Variants in MTUS2 observed in about 807,000 individuals in gnomAD.
MTUS2 encodes microtubule associated scaffold protein 2, also known as microtubule-associated tumor suppressor candidate 2.
Under a neutral mutation model 114.1 loss-of-function variants are expected in MTUS2, and 40 were observed. The ratio of observed to expected loss-of-function variants is 0.35; its 90% CI spans 0.27 to 0.46. The LOEUF (loss-of-function observed/expected upper bound fraction) is 0.46, where lower values mean the gene tolerates loss of function less well. MTUS2 is among the 20% of genes least tolerant of loss of function. The pLI, the probability that MTUS2 is intolerant of heterozygous loss-of-function variation, is 1.00. For missense variants in MTUS2, 1,679 were observed against 1,705.4 expected, an observed-to-expected ratio of 0.98 and a Z score of 0.27; for synonymous variants, 688 against 672.0, an observed-to-expected ratio of 1.02 and a Z score of -0.37.
intron 5 of MTUS2, among the ~76,000 whole-genome samples, chr13:29,111,013 A>G (rs17573873): frequency 0.032 from 4,810 of 152,316 alleles, 111 homozygotes; most frequent in Non-Finnish European, 0.051. Flanking sequence ...TTTTTATCAT[A>G]AAGTTCAGAG....
intron 2 of MTUS2, among the ~76,000 whole-genome samples, chr13:28,991,514 G>A (rs1884852942): frequency 6.6e-6 from 1 of 151,912 alleles, no homozygotes; most frequent in African/African-American, 2.4e-5. Flanking sequence ...GGCTACAGGT[G>A]CCCACCACCA....
intron 5 of MTUS2, among the ~76,000 whole-genome samples, chr13:29,246,149 G>T (rs138377817): frequency 3.0e-4 from 46 of 152,226 alleles, no homozygotes; most frequent in African/African-American, 1.1e-3. Flanking sequence ...AATAATAGCA[G>T]AAGTGGCAAA....
intron 8 of MTUS2, among the ~76,000 whole-genome samples, chr13:29,392,708 G>T (rs1023958093): frequency 6.6e-6 from 1 of 152,158 alleles, no homozygotes; most frequent in Non-Finnish European, 1.5e-5. Context: ...CAGATTTATA[G>T]AGAGAGAAAG....
At chr13:29,215,861 T>A in intron 5 of MTUS2, among the ~76,000 whole-genome samples, 1 of 152,258 alleles carries the variant, frequency 6.6e-6, no homozygotes, top group South Asian at 2.1e-4. Flanking sequence ...GGGTCAGGGA[T>A]CCACTTGAGG....
chr13:29,393,842 C>T (rs1257279338), intron 8 of MTUS2, among the ~76,000 whole-genome samples: 1 of 152,056 alleles, frequency 6.6e-6, no homozygotes, highest in Non-Finnish European at 1.5e-5. Context: ...CGGGACAACT[C>T]GAAGTCGGGA....
At position 29,011,297 on chromosome 13, in the gene MTUS2, A is replaced by G. The variant is rs376685305; in HGVS notation, c.-242-13160A>G. Among the ~76,000 whole-genome samples, 8 of 152,310 alleles carry G rather than the reference A, an allele frequency of 5.3e-5. 1 individual carries two copies. In the East Asian group the frequency reaches 1.3e-3, roughly 26 times the overall value. On this transcript the variant is annotated intron_variant, in intron 2 of 15. Coordinates refer to ENST00000612955, the MANE Select transcript of MTUS2 (RefSeq NM_001033602.4). ...TTTTTGTTGCTTTGAGAAATTGTCT[A>G]TTCTGATAATGAAGATGTGTGAAGC...
At chr13:29,164,409 G>A (rs1014518721) in intron 5 of MTUS2, among the ~76,000 whole-genome samples, 1 of 152,184 alleles carries the variant, frequency 6.6e-6, no homozygotes, top group Non-Finnish European at 1.5e-5. Flanking sequence ...GCAGATGTGC[G>A]CTACAGTGGG....
In MTUS2 at chr13:29,090,897, G is replaced by A. The variant is rs1010917753; in HGVS notation, c.2447-9876G>A. 3.9e-4 allele frequency among the ~76,000 whole-genome samples: 60 copies of A among 152,176 alleles called. 1 individual carries two copies. Among genetic ancestry groups the A allele is most frequent in the Non-Finnish European group, 1.6e-4 (11 of 68,036 alleles). ...GAGTTCTGTCTCTGTCACCTCTCCA[G>A]GCAGTTCTCCCCATGAATTCAAATA... On this transcript the variant is annotated intron_variant, in intron 4 of 15. Coordinates refer to ENST00000612955, the MANE Select transcript of MTUS2 (RefSeq NM_001033602.4).
intron 5 of MTUS2, among the ~76,000 whole-genome samples, chr13:29,267,878 G>C (rs932431480): frequency 1.3e-5 from 2 of 152,190 alleles, no homozygotes; most frequent in African/African-American, 4.8e-5. Context: ...AGGAAGTGGG[G>C]GTGCTCAGAA....
intron 4 of MTUS2, among the ~76,000 whole-genome samples, chr13:29,084,632 G>A (rs1373850874): frequency 6.6e-6 from 1 of 151,546 alleles, no homozygotes; most frequent in African/African-American, 2.4e-5. Flanking sequence ...CTGCCTCCTG[G>A]GTTCAAGCGA....
rs1425321440 is a variant in MTUS2 at position 29,398,219 on chromosome 13, G to A, written c.3117+38746G>A. Among the ~76,000 whole-genome samples the A allele has an allele frequency of 2.0e-5, 3 of 152,302 alleles. No individual in the cohort carries two copies. In the East Asian group the frequency reaches 5.8e-4, roughly 29 times the overall value. ...CTCATGCCTATAATCCCAGCACTTT[G>A]GGCGGCTGAGGCGGGTGGACCACCT... On this transcript the variant is annotated intron_variant, in intron 8 of 15. Coordinates refer to ENST00000612955, the MANE Select transcript of MTUS2 (RefSeq NM_001033602.4).
At chr13:29,020,493 G>T (rs1233849927) in intron 2 of MTUS2, among the ~76,000 whole-genome samples, 1 of 152,180 alleles carries the variant, frequency 6.6e-6, no homozygotes, top group Non-Finnish European at 1.5e-5. Context: ...GGCAGGATGA[G>T]GGAGCTGGAG....
At chr13:28,972,754 A>G (rs1331981417) in intron 2 of MTUS2, among the ~76,000 whole-genome samples, 1 of 152,224 alleles carries the variant, frequency 6.6e-6, no homozygotes, top group Non-Finnish European at 1.5e-5. Context: ...AAATTACTTA[A>G]CAATTTTTGT....
Position 29,440,056 on chromosome 13 carries a change from A to T in MTUS2, c.3184+7A>T, listed in dbSNP as rs1175856139. 3.2e-6 allele frequency: 5 copies of T among 1,576,808 alleles called. No homozygotes were observed. Among genetic ancestry groups the T allele is most frequent in the Non-Finnish European group, 4.3e-6 (5 of 1,159,004 alleles). ...AACATCAGGGATGAAGTTGGTAAGT[A>T]GGGCATTGACAATGAGGAGCATAAA... is the stretch of plus-strand genomic sequence containing the variant. On this transcript the variant is annotated splice_region_variant and intron_variant, in intron 9 of 15. Coordinates refer to ENST00000612955, the MANE Select transcript of MTUS2 (RefSeq NM_001033602.4).
intron 5 of MTUS2, among the ~76,000 whole-genome samples, chr13:29,119,683 G>T (rs1182854500): frequency 6.6e-6 from 1 of 152,182 alleles, no homozygotes; most frequent in Admixed American, 6.5e-5. Flanking sequence ...CAAGTAGTCA[G>T]GGAAGAGAGC....
At chr13:29,222,039 C>T (rs1895928678) in intron 5 of MTUS2, among the ~76,000 whole-genome samples, 1 of 152,160 alleles carries the variant, frequency 6.6e-6, no homozygotes, top group South Asian at 2.1e-4. Context: ...GCCTTGAACT[C>T]CTAGCTCAAA....
chr13:29,019,403 T>C (rs1011076099), intron 2 of MTUS2, among the ~76,000 whole-genome samples: 10 of 152,184 alleles, frequency 6.6e-5, no homozygotes, highest in African/African-American at 2.4e-4. Context: ...TGAATGATAA[T>C]GTAGAAGGAA....
chr13:28,840,030 A>ATTT (rs369289077), intron 2 of MTUS2, among the ~76,000 whole-genome samples, 180 bp downstream of exon 2: 15 of 146,946 alleles, frequency 1.0e-4, no homozygotes, highest in African/African-American at 3.5e-4. Flanking sequence ...TGAAAGCTTA[A>ATTT]TTTTTTTTTT....
intron 5 of MTUS2, chr13:29,242,532 A>G (rs1049901987): frequency 3.8e-5 from 6 of 158,544 alleles, no homozygotes; most frequent in African/African-American, 1.4e-4. Flanking sequence ...TGTATACCTT[A>G]TTATTTTGGT....
Sources: gnomAD v4.1 joint callset for allele counts (sites outside exome capture counted in the v4.1 genomes callset) on GRCh38, gnomAD v4.1.1 for gene constraint, MANE v1.5 for transcripts, NCBI Gene and HGNC (gene_info 2026-07-23, HGNC 2026-07-21) for gene names.